The following TOP1 variants were observed in gnomAD, a reference collection of about 807,000 sequenced individuals.
TOP1 encodes the protein DNA topoisomerase 1.
Under a neutral mutation model 111.1 loss-of-function variants are expected in TOP1, and 10 were observed. The ratio of observed to expected loss-of-function variants is 0.09; its 90% CI spans 0.06 to 0.15. The LOEUF (loss-of-function observed/expected upper bound fraction) is 0.15, where lower values mean the gene tolerates loss of function less well. Among genes scored for constraint, TOP1 ranks in the 10% least tolerant of loss-of-function variants. The pLI, the probability that TOP1 is intolerant of heterozygous loss-of-function variation, is 1.00. For missense variants in TOP1, 474 were observed against 926.7 expected (o/e 0.51, Z 6.34); for synonymous variants, 271 against 302.9 (o/e 0.89, Z 1.10).
At chr20:41,036,605 G>C (rs2033188383) in intron 2 of TOP1, among the ~76,000 whole-genome samples, 1 of 152,184 alleles carries the variant, frequency 6.6e-6, no homozygotes, top group South Asian at 2.1e-4. Context: ...ATTGATGTTG[G>C]GGAGTCTGTC....
chr20:41,079,610 T>C lies in TOP1; in HGVS notation c.336-475T>C, dbSNP rs2033766420. On this transcript the variant is annotated intron_variant, in intron 5 of 20. Coordinates refer to ENST00000361337, the MANE Select transcript of TOP1 (RefSeq NM_003286.4). This position sits in a 1 kb window ranked among gnomAD's most constrained non-coding sequence, Gnocchi z 4.0. ...CATGTAGCTAGATATACATGTACGT[T>C]ATTGCCACATTTTTAGAACTTTAAG... 6.6e-6 allele frequency among the ~76,000 whole-genome samples: 1 copy of C among 152,234 alleles called. No homozygotes were observed. Among genetic ancestry groups the C allele is most frequent in the African/African-American group, 2.4e-5 (1 of 41,464 alleles).
Position 41,118,669 on chromosome 20 carries a change from G to A in TOP1, c.1950+373G>A, listed in dbSNP as rs975980404. On this transcript the variant is annotated intron_variant, in intron 18 of 20. Transcript: ENST00000361337. This position sits in a 1 kb window ranked among gnomAD's most constrained non-coding sequence, Gnocchi z 4.6. ...CAGAAATACAGCCATTTCCAAATTA[G>A]ATTGTTTCAAATTGAAAAGATGATG... Among the ~76,000 whole-genome samples, 1 of 152,214 alleles carries A rather than the reference G, an allele frequency of 6.6e-6. No individual in the cohort carries two copies. The highest frequency in any genetic ancestry group is 2.4e-5 in the African/African-American group (1 of 41,460).
chr20:41,077,217 G>A (rs1200144587), intron 4 of TOP1, among the ~76,000 whole-genome samples: 1 of 152,148 alleles, frequency 6.6e-6, no homozygotes, highest in Admixed American at 6.5e-5. Context: ...ATCACATCTG[G>A]CCCAGTTTAT....
intron 18 of TOP1, among the ~76,000 whole-genome samples, chr20:41,120,929 G>C (rs1036634346): frequency 1.3e-5 from 2 of 152,168 alleles, no homozygotes; most frequent in Non-Finnish European, 2.9e-5. Context: ...TTTTAGTAGA[G>C]ACGGGGTTTC....
Position 41,056,665 on chromosome 20 carries a change from A to G in TOP1, c.59-4729A>G, listed in dbSNP as rs2033475692. Among the ~76,000 whole-genome samples the G allele has an allele frequency of 2.0e-5, 3 of 152,162 alleles. No homozygotes were observed. The South Asian group carries it at 6.2e-4, about 32-fold the overall frequency. ...AATTAATTTTTTAAACAGTTTTCGT[A>G]GAGACAAGGTCTTGCTATGTTGCCC... On this transcript the variant is annotated intron_variant, in intron 2 of 20. Transcript: ENST00000361337.
At chr20:41,043,341 G>A (rs1456667021) in intron 2 of TOP1, among the ~76,000 whole-genome samples, 1 of 152,204 alleles carries the variant, frequency 6.6e-6, no homozygotes, top group Non-Finnish European at 1.5e-5. Flanking sequence ...CATGTATGGA[G>A]TTCATTACTT....
chr20:41,099,667 G>C (rs2034031888), intron 11 of TOP1, among the ~76,000 whole-genome samples: 1 of 152,142 alleles, frequency 6.6e-6, no homozygotes, highest in African/African-American at 2.4e-5. Context: ...TTTAACTGCT[G>C]TTTAATTAAA....
chr20:41,076,404 T>G (rs959323703), intron 4 of TOP1, 110 bp downstream of exon 4: 31 of 1,431,132 alleles, frequency 2.2e-5, no homozygotes, highest in Admixed American at 4.8e-5. Flanking sequence ...AAGTGAAAGG[T>G]TTCTTGTCAG....
rs59200685 is a variant in TOP1, at chr20:41,089,020, C to CTTTTTTTTTTTTTTTTTTTTTTTTTTT, written c.615-3430_615-3429insTTTTTTTTTTTTTTTTTTTTTTTTTTT. Among the ~76,000 whole-genome samples, 32 of 77,896 alleles carry CTTTTTTTTTTTTTTTTTTTTTTTTTTT rather than the reference C, an allele frequency of 4.1e-4. 6 individuals carry two copies. The highest frequency in any genetic ancestry group is 1.6e-3 in the African/African-American group (26 of 15,820). 51.1% of individuals were successfully genotyped at this position (77,896 alleles called of 152,430 possible). Reference sequence around the variant, plus strand: ...TCCCCACTTCTCTGTTGCCCCAGTTCTTTTTTTTTTTTTTTTTTTTTTGAG... The same window carrying CTTTTTTTTTTTTTTTTTTTTTTTTTTT: ...TCCCCACTTCTCTGTTGCCCCAGTTCTTTTTTTTTTTTTTTTTTTTTTTTTTTTTTTTTTTTTTTTTTTTTTTTTGAG... On this transcript the variant is annotated intron_variant, in intron 8 of 20. Coordinates refer to ENST00000361337, the MANE Select transcript of TOP1 (RefSeq NM_003286.4).
Position 41,029,637 on chromosome 20 carries a change from C to G in TOP1, c.58+182C>G. 1.5e-6 allele frequency: 1 copy of G among 673,340 alleles called. No homozygotes were observed. Among genetic ancestry groups the G allele is most frequent in the Non-Finnish European group, 2.7e-6 (1 of 371,380 alleles). The allele number at this position is 673,340 out of a possible 1,614,324, so 41.7% of individuals were successfully genotyped here. ...GACCCCCTTTCCGGGGACCCCAGCTCCTCCAGATCCCGGCCCTCCCAAGAG... is the reference window on the plus strand; with the variant it reads ...GACCCCCTTTCCGGGGACCCCAGCTGCTCCAGATCCCGGCCCTCCCAAGAG... On this transcript the variant is annotated intron_variant, in intron 2 of 20. Transcript: ENST00000361337. This position sits in a 1 kb window ranked among gnomAD's most constrained non-coding sequence, Gnocchi z 6.1.
At chr20:41,040,316 G>T (rs16989512) in intron 2 of TOP1, among the ~76,000 whole-genome samples, 15,084 of 152,228 alleles carry the variant, frequency 0.099, 1,044 homozygotes, top group African/African-American at 0.2. Flanking sequence ...TAGACTTACT[G>T]TGCCTTAATC....
rs570569580 is a variant in TOP1 at position 41,110,893 on chromosome 20, C to T, written c.1309-1889C>T. 1.5e-4 allele frequency among the ~76,000 whole-genome samples: 23 copies of T among 152,290 alleles called. No individual in the cohort carries two copies. The highest frequency in any genetic ancestry group is 3.3e-4 in the Admixed American group (5 of 15,302). ...CATACTTCTTGGAGGCCAGCCATCT[C>T]CTGCTGGATCTAAGCGGGGTGGCTT... On this transcript the variant is annotated intron_variant, in intron 13 of 20. Transcript: ENST00000361337. The surrounding 1 kb of genome is among the most constrained non-coding windows in gnomAD (Gnocchi z 4.2).
Position 41,114,886 on chromosome 20 carries a change from C to T in TOP1, c.1639-485C>T, listed in dbSNP as rs977128223. Among the ~76,000 whole-genome samples the T allele has an allele frequency of 6.6e-6, 1 of 152,178 alleles. No homozygotes were observed. The highest frequency in any genetic ancestry group is 2.4e-5 in the African/African-American group (1 of 41,442). On this transcript the variant is annotated intron_variant, in intron 15 of 20. Transcript: ENST00000361337. This position sits in a 1 kb window ranked among gnomAD's most constrained non-coding sequence, Gnocchi z 4.5. ...AAGACACCTCTTCTCATAAGGACAC[C>T]ATAATCAGTAATCAGGTTTTGCTGG...
chr20:41,108,423 T>C (rs2034181422), intron 13 of TOP1, among the ~76,000 whole-genome samples: 1 of 152,214 alleles, frequency 6.6e-6, no homozygotes, highest in African/African-American at 2.4e-5. Flanking sequence ...GTTCTTTTTA[T>C]GTATCCTGTC....
chr20:41,113,321 TAG>T (rs1306157414), intron 14 of TOP1, among the ~76,000 whole-genome samples: 1 of 152,202 alleles, frequency 6.6e-6, no homozygotes, highest in Non-Finnish European at 1.5e-5. Flanking sequence ...AAATTCACAC[TAG>T]CTTTTTGAGT....
At chr20:41,031,177 C>T (rs978865216) in intron 2 of TOP1, among the ~76,000 whole-genome samples, 1 of 152,004 alleles carries the variant, frequency 6.6e-6, no homozygotes, top group Non-Finnish European at 1.5e-5. Context: ...CAACCTATCA[C>T]GATTTTAAAA....
intron 13 of TOP1, among the ~76,000 whole-genome samples, chr20:41,111,592 C>T (rs2034241623): frequency 8.8e-6 from 1 of 113,826 alleles, no homozygotes; most frequent in African/African-American, 3.6e-5. Flanking sequence ...CCCACCCCAC[C>T]CCCCGCCCCC....
intron 3 of TOP1, among the ~76,000 whole-genome samples, chr20:41,068,200 T>C (rs147609949): frequency 2.4e-4 from 36 of 152,358 alleles, no homozygotes; most frequent in African/African-American, 8.2e-4. Context: ...TATCTCTCTT[T>C]GTCCCCAAAT....
In TOP1 at chr20:41,061,763, T is replaced by C. The variant is rs2033548119; in HGVS notation, c.155+273T>C. On this transcript the variant is annotated intron_variant, in intron 3 of 20. Coordinates refer to ENST00000361337, the MANE Select transcript of TOP1 (RefSeq NM_003286.4). The surrounding 1 kb of genome is among the most constrained non-coding windows in gnomAD (Gnocchi z 4.6). ...AGTTGTTCACTAAGATAGGTAAGGA[T>C]TCATTGTGACACATGATGGCATTTA... 1.3e-5 allele frequency among the ~76,000 whole-genome samples: 2 copies of C among 152,246 alleles called. No individual in the cohort carries two copies. Among genetic ancestry groups the C allele is most frequent in the Non-Finnish European group, 2.9e-5 (2 of 68,038 alleles).
Sources: gnomAD v4.1 joint callset for allele counts (sites outside exome capture counted in the v4.1 genomes callset) on GRCh38, gnomAD v4.1.1 for gene constraint, Gnocchi (gnomAD v3.1) non-coding constraint, MANE v1.5 for transcripts, NCBI Gene and HGNC (gene_info 2026-07-23, HGNC 2026-07-21) for gene names.